Variants in HLA-DPB1 observed in about 807,000 individuals in gnomAD.
HLA-DPB1 encodes the protein major histocompatibility complex, class II, DP beta 1, also known as HLA class II histocompatibility antigen, DP beta 1 chain.
A neutral mutation model predicts 29.4 loss-of-function variants in HLA-DPB1; 30 were observed. That is an observed-to-expected ratio of 1.02 (90% confidence interval 0.76 to 1.38). HLA-DPB1 has a LOEUF of 1.38. HLA-DPB1 is among the 40% of genes most tolerant of loss of function. HLA-DPB1 has a pLI of 0.00. For synonymous variants in HLA-DPB1, 114 were observed against 134.0 expected (o/e 0.85, Z 1.03); for missense variants, 261 against 327.5 (o/e 0.80, Z 1.57).
rs1762771012 is a variant in HLA-DPB1 at position 33,080,392 on chromosome 6, G to A, written c.101-280G>A. 1.6e-6 allele frequency: 1 copy of A among 644,358 alleles called. No individual in the cohort carries two copies. The highest frequency in any genetic ancestry group is 1.5e-5 in the South Asian group (1 of 66,030). The allele number at this position is 644,358 out of a possible 1,614,324, so 39.9% of individuals were successfully genotyped here. ...CGCCTCCTCCAGCCACCAGCAGAAGGGACTGCCTTCCCCTCAGTGCTCGCC... is the reference window on the plus strand; with the variant it reads ...CGCCTCCTCCAGCCACCAGCAGAAGAGACTGCCTTCCCCTCAGTGCTCGCC... On this transcript the variant is annotated intron_variant, in intron 1 of 5. Transcript: ENST00000418931. This position sits in a 1 kb window ranked among gnomAD's most constrained non-coding sequence, Gnocchi z 4.3.
chr6:33,080,956 G>T lies in HLA-DPB1; in HGVS notation c.364+21G>T. The T allele has an allele frequency of 3.8e-6, 6 of 1,559,262 alleles. No individual in the cohort carries two copies. The highest frequency in any genetic ancestry group is 1.3e-5 in the African/African-American group (1 of 74,236). On this transcript the variant is annotated intron_variant, in intron 2 of 5. Transcript: ENST00000418931. The surrounding 1 kb of genome is among the most constrained non-coding windows in gnomAD (Gnocchi z 4.3). ...CCGAGGTGAGTGAGGGCTTTGGGCCGGCGGTCCCAGGGCAGCCCCGCGGGC... is the reference window on the plus strand; with the variant it reads ...CCGAGGTGAGTGAGGGCTTTGGGCCTGCGGTCCCAGGGCAGCCCCGCGGGC...
intron 1 of HLA-DPB1, among the ~76,000 whole-genome samples, chr6:33,077,424 GTATA>G (rs1324118771): frequency 2.0e-5 from 3 of 152,044 alleles, no homozygotes; most frequent in African/African-American, 7.3e-5. Flanking sequence ...AATCCTTTGG[GTATA>G]TATCCAGTAA....
rs1562156684 is a variant in HLA-DPB1 at position 33,084,849 on chromosome 6, A to AG, written c.365-101_365-100insG. ...AAAGAGCGAGATTATGTCTCAAAAA[A>AG]AAGGAAGGAAGGAAGGAAGGAAGGA... On this transcript the variant is annotated intron_variant, in intron 2 of 5. Transcript: ENST00000418931. 9.2e-5 allele frequency: 61 copies of AG among 663,326 alleles called. 5 individuals carry two copies. In the South Asian group the frequency reaches 1.2e-3, roughly 13 times the overall value. The allele number at this position is 663,326 out of a possible 1,614,324, so 41.1% of individuals were successfully genotyped here.
At chr6:33,077,288 A>G (rs986576824) in intron 1 of HLA-DPB1, among the ~76,000 whole-genome samples, 1 of 151,982 alleles carries the variant, frequency 6.6e-6, no homozygotes, top group Non-Finnish European at 1.5e-5. Flanking sequence ...CATGGTGTAT[A>G]TGTGTGCATT....
chr6:33,088,703 G>A lies in HLA-DPB1; in HGVS notation c.*2169G>A, dbSNP rs1763224489. Among the ~76,000 whole-genome samples, 1 of 152,134 alleles carries A rather than the reference G, an allele frequency of 6.6e-6. No homozygotes were observed. The highest frequency in any genetic ancestry group is 2.4e-5 in the African/African-American group (1 of 41,414). ...TCAGGCCCTTTGCTGAGTGCTATGTGCAGCAGGATCAAAGGCAGCCAGGAG... is the reference window on the plus strand; with the variant it reads ...TCAGGCCCTTTGCTGAGTGCTATGTACAGCAGGATCAAAGGCAGCCAGGAG... On this transcript the variant is annotated 3_prime_UTR_variant, in exon 6 of 6. Coordinates refer to ENST00000418931, the MANE Select transcript of HLA-DPB1 (RefSeq NM_002121.6).
chr6:33,088,835 C>T lies in HLA-DPB1; in HGVS notation c.*2301C>T, dbSNP rs1246949912. 6.6e-6 allele frequency among the ~76,000 whole-genome samples: 1 copy of T among 152,036 alleles called. No homozygotes were observed. The highest frequency in any genetic ancestry group is 1.5e-5 in the Non-Finnish European group (1 of 67,970). ...AGATGTGAAGTGGGTGACTCAACCTCTGACTCAGAAAAATTGATACCTGCA... is the reference window on the plus strand; with the variant it reads ...AGATGTGAAGTGGGTGACTCAACCTTTGACTCAGAAAAATTGATACCTGCA... On this transcript the variant is annotated 3_prime_UTR_variant, in exon 6 of 6. Transcript: ENST00000418931.
intron 2 of HLA-DPB1, among the ~76,000 whole-genome samples, chr6:33,084,390 GTCTATT>G (rs10536191): frequency 0.38 from 57,537 of 151,674 alleles, 12,305 homozygotes; most frequent in East Asian, 0.64. Context: ...CTACTTGAAG[GTCTATT>G]TCTATCTTTT....
chr6:33,078,699 C>A (rs1275909043), intron 1 of HLA-DPB1, among the ~76,000 whole-genome samples: 1 of 152,060 alleles, frequency 6.6e-6, no homozygotes. Context: ...GGTAAAATTC[C>A]ATTTCAAAAG....
At chr6:33,079,779 A>G (rs1163983451) in intron 1 of HLA-DPB1, 5 of 484,492 alleles carry the variant, frequency 1.0e-5, no homozygotes, top group East Asian at 1.2e-4. Context: ...AGAACTGCAA[A>G]GTCATCATGG....
intron 1 of HLA-DPB1, among the ~76,000 whole-genome samples, chr6:33,076,879 A>G (rs1005791268): frequency 6.6e-6 from 1 of 152,004 alleles, no homozygotes; most frequent in Admixed American, 6.6e-5. Flanking sequence ...TATGGCATCT[A>G]TGATCCATTG....
intron 2 of HLA-DPB1, 165 bp downstream of exon 2, chr6:33,081,100 A>T (rs1355900428): frequency 1.3e-6 from 1 of 797,718 alleles, no homozygotes; most frequent in Non-Finnish European, 1.9e-6. Flanking sequence ...CAGGGGAGCG[A>T]GCGCGGGGAC....
At chr6:33,086,361 C>T in intron 5 of HLA-DPB1, 119 bp downstream of exon 5, 1 of 855,952 alleles carries the variant, frequency 1.2e-6, no homozygotes, top group East Asian at 2.4e-5. Context: ...ACCCCTCTTT[C>T]AATGTCAGCC....
In HLA-DPB1 at chr6:33,080,682, TTTC is replaced by T; in HGVS notation, c.112_114del (p.Phe38del). 11 of 1,611,088 alleles carry T rather than the reference TTTC, an allele frequency of 6.8e-6. 1 individual carries two copies. In the Middle Eastern group the frequency reaches 1.5e-3, roughly 218 times the overall value. On this transcript the variant is annotated inframe_deletion, in exon 2 of 6. Transcript: ENST00000418931. This position sits in a 1 kb window ranked among gnomAD's most constrained non-coding sequence, Gnocchi z 4.3. ...GCCCCCTCCCCGCAGAGAATTACCTTTTCCAGGGACGGCAGGAATGCTACGCGT... is the reference window on the plus strand; with the variant it reads ...GCCCCCTCCCCGCAGAGAATTACCTTCAGGGACGGCAGGAATGCTACGCGT...
intron 3 of HLA-DPB1, 30 bp downstream of exon 3, chr6:33,085,261 C>A: frequency 1.9e-6 from 3 of 1,545,962 alleles, no homozygotes; most frequent in Non-Finnish European, 2.6e-6. Context: ...CTAGACCCCA[C>A]CTCTGAAGAG....
chr6:33,076,205 CT>C, intron 1 of HLA-DPB1, 64 bp downstream of exon 1: 1 of 1,110,040 alleles, frequency 9.0e-7, no homozygotes, highest in Non-Finnish European at 1.3e-6. Flanking sequence ...GGGACGTTAT[CT>C]TTAAGGGATC....
Position 33,080,425 on chromosome 6 carries a change from A to C in HLA-DPB1, c.101-247A>C. On this transcript the variant is annotated intron_variant, in intron 1 of 5. Coordinates refer to ENST00000418931, the MANE Select transcript of HLA-DPB1 (RefSeq NM_002121.6). The surrounding 1 kb of genome is among the most constrained non-coding windows in gnomAD (Gnocchi z 4.3). ...TTCCCCTCAGTGCTCGCCCCTCCCT[A>C]GTGATCACTCAGTGCCCCTGAGCTC... 5.9e-6 allele frequency: 4 copies of C among 682,314 alleles called. No individual in the cohort carries two copies. The highest frequency in any genetic ancestry group is 3.0e-5 in the East Asian group (1 of 33,092). 42.3% of individuals were successfully genotyped at this position (682,314 alleles called of 1,614,324 possible).
intron 5 of HLA-DPB1, 42 bp from the exon 6 acceptor site, chr6:33,086,497 G>T: frequency 1.5e-6 from 1 of 683,886 alleles, no homozygotes; most frequent in South Asian, 1.5e-5. Flanking sequence ...CTTACAGGAA[G>T]GAGGCTGGCA....
rs9277471 is a variant in HLA-DPB1 at position 33,085,905 on chromosome 6, G to C, written c.757+16G>C. The C allele has an allele frequency of 7.1e-6, 11 of 1,543,620 alleles. No homozygotes were observed. The highest frequency in any genetic ancestry group is 8.0e-6 in the Non-Finnish European group (9 of 1,119,276). On this transcript the variant is annotated intron_variant, in intron 4 of 5. Transcript: ENST00000418931. ...AGCAAGAAAGGTGAGAAAGCCTGCA[G>C]GGTGAGCGGGACTTACCTTCCCCTG...
At position 33,078,942 on chromosome 6, in the gene HLA-DPB1, G is replaced by A. The variant is rs9469348; in HGVS notation, c.101-1730G>A. Among the ~76,000 whole-genome samples, 764 of 152,242 alleles carry A rather than the reference G, an allele frequency of 5.0e-3. 12 individuals are homozygous for A. The highest frequency in any genetic ancestry group is 0.018 in the African/African-American group (741 of 41,534). On this transcript the variant is annotated intron_variant, in intron 1 of 5. Coordinates refer to ENST00000418931, the MANE Select transcript of HLA-DPB1 (RefSeq NM_002121.6). The stretch of plus-strand genomic sequence containing the variant: ...AGGAGGAATCTGGACTCAAGGAGCT[G>A]GGGGGCTCTGGGCCTGGAATTTTAG...
Sources: allele counts gnomAD v4.1 joint callset (sites outside exome capture counted in the v4.1 genomes callset), GRCh38; gene constraint gnomAD v4.1.1; non-coding constraint Gnocchi (gnomAD v3.1); transcripts MANE v1.5; gene names NCBI Gene and HGNC (gene_info 2026-07-23, HGNC 2026-07-21).